IFT122: variants seen among roughly 807,000 people sequenced by gnomAD.
IFT122 encodes intraflagellar transport protein 122 homolog.
IFT122 carries 118 observed loss-of-function variants against 161.6 expected under a neutral mutation model. The observed-to-expected ratio is 0.73, with a 90% confidence interval of 0.63 to 0.85. IFT122 has a LOEUF of 0.85. IFT122 is among the 40% of genes least tolerant of loss of function. The pLI is 0.00. For missense variants in IFT122, 1,381 were observed against 1,579.6 expected (o/e 0.87, Z 2.13); for synonymous variants, 550 against 602.4 (o/e 0.91, Z 1.27).
Position 129,464,882 on chromosome 3 carries a change from T to G in IFT122, c.563+101T>G. The G allele has an allele frequency of 5.3e-6, 7 of 1,309,884 alleles. No individual in the cohort carries two copies. The South Asian group carries it at 7.1e-5, about 13-fold the overall frequency. 81.1% of individuals were successfully genotyped at this position (1,309,884 alleles called of 1,614,324 possible). A position where few individuals can be genotyped will look rare whatever the true frequency, so the allele number is the denominator to read the frequency against. On this transcript the variant is annotated intron_variant, in intron 7 of 29. Coordinates refer to ENST00000348417, the MANE Select transcript of IFT122 (RefSeq NM_052989.3). ...TACATTCAAAGGCTTCTCACCTCACTTGAATGGTCTGTTTTAGAACCTGTC... is the reference window on the plus strand; with the variant it reads ...TACATTCAAAGGCTTCTCACCTCACGTGAATGGTCTGTTTTAGAACCTGTC...
intron 3 of IFT122, 28 bp from the exon 4 acceptor site, chr3:129,458,571 A>G (rs1414885526): frequency 1.3e-6 from 2 of 1,590,038 alleles, no homozygotes; most frequent in South Asian, 2.2e-5. Context: ...GATAAATGTA[A>G]GACTTTCCAT....
chr3:129,480,129 C>T (rs1364101731), intron 13 of IFT122, among the ~76,000 whole-genome samples: 5 of 152,188 alleles, frequency 3.3e-5, no homozygotes, highest in African/African-American at 4.8e-5. Flanking sequence ...AGCAGGCCCA[C>T]GTTTTGGCAG....
At position 129,480,067 on chromosome 3, in the gene IFT122, C is replaced by G. The variant is rs1474391646; in HGVS notation, c.1488+145C>G. The G allele has an allele frequency of 3.7e-6, 4 of 1,069,938 alleles. No homozygotes were observed. In the African/African-American group the frequency reaches 4.7e-5, roughly 13 times the overall value. The allele number at this position is 1,069,938 out of a possible 1,614,324, so 66.3% of individuals were successfully genotyped here. On this transcript the variant is annotated intron_variant, in intron 13 of 29. Transcript: ENST00000348417. ...GGTGAATTGTGGGGCAGCCTGAGTT[C>G]AGTTTTTTGAGGACAGCCTCAGGCC... is the stretch of plus-strand genomic sequence containing the variant.
At chr3:129,501,243 C>T (rs1345151368) in intron 19 of IFT122, among the ~76,000 whole-genome samples, 1 of 152,056 alleles carries the variant, frequency 6.6e-6, no homozygotes, top group East Asian at 1.9e-4. Context: ...GCAAAGGACA[C>T]GATGGGACAA....
At chr3:129,504,572 T>C in intron 21 of IFT122, 151 bp downstream of exon 21, 1 of 730,912 alleles carries the variant, frequency 1.4e-6, no homozygotes, top group South Asian at 1.5e-5. Context: ...GGTGAAAGAC[T>C]GTGGAGCATG....
At chr3:129,485,164 C>T (rs547701924) in intron 15 of IFT122, among the ~76,000 whole-genome samples, 50 of 152,302 alleles carry the variant, frequency 3.3e-4, no homozygotes, top group African/African-American at 1.1e-3. Context: ...TAGCTAGGTC[C>T]TTGCACCTGT....
chr3:129,519,129 G>A lies in IFT122; in HGVS notation c.3414G>A (p.Val1138=). The A allele has an allele frequency of 6.2e-7, 1 of 1,614,106 alleles. No individual in the cohort carries two copies. Among genetic ancestry groups the A allele is most frequent in the Non-Finnish European group, 8.5e-7 (1 of 1,179,986 alleles). ...CAGGCTCCCAGATTCTGCGGCTAGT[G>A]GAGACCAAGGACTCCATCGGAGATG... ...ANNSSQILRL[V]ETKDSIGDED... is the part of the protein sequence containing the mutation. Residue 1138 remains valine (V), a synonymous_variant, in exon 28 of 30, where the codon GTG becomes GTA. Transcript: ENST00000348417.
chr3:129,495,372 A>T, intron 17 of IFT122, 74 bp from the exon 18 acceptor site: 2 of 1,581,122 alleles, frequency 1.3e-6, no homozygotes, highest in Admixed American at 3.6e-5. Context: ...TGAAATAGCC[A>T]CATCTAACCT....
chr3:129,514,894 C>T (rs2083295382), intron 25 of IFT122: 1 of 446,030 alleles, frequency 2.2e-6, no homozygotes, highest in Non-Finnish European at 4.2e-6. Context: ...CTGACTCTTA[C>T]TCTAGAAACC....
rs934121652 is a variant in IFT122, at chr3:129,504,478, A to G, written c.2650+57A>G. The G allele has an allele frequency of 3.5e-6, 5 of 1,409,604 alleles. No individual in the cohort carries two copies. The African/African-American group carries it at 5.6e-5, about 16-fold the overall frequency. 87.3% of individuals were successfully genotyped at this position (1,409,604 alleles called of 1,614,324 possible). ...GAGCAGGAGAAGTTACTGCCAAGACATACATTTCAGGAAGGCTACCAAGCC... is the reference window on the plus strand; with the variant it reads ...GAGCAGGAGAAGTTACTGCCAAGACGTACATTTCAGGAAGGCTACCAAGCC... On this transcript the variant is annotated intron_variant, in intron 21 of 29. Transcript: ENST00000348417.
rs761420085 is a variant in IFT122, at chr3:129,506,481, A to G, written c.2723A>G (p.Glu908Gly). ...CAGCTCACAAACAATGCCGTGGCGG[A>G]GAGCAGGTTTAATGATGCTGCCTAT... ...LEQLTNNAVA[E>G]SRFNDAAYYY... Residue 908 changes from glutamate to glycine, a missense_variant, in exon 22 of 30, where the codon GAG becomes GGG. Glu to Gly is a moderately conservative substitution (Grantham distance 98). This residue lies in a region of IFT122 where 496 missense variants were observed against 502.5 expected (regional missense o/e 0.99). Transcript: ENST00000348417. The G allele has an allele frequency of 9.3e-6, 15 of 1,614,242 alleles. No homozygotes were observed. In the East Asian group the frequency reaches 3.3e-4, roughly 36 times the overall value.
At chr3:129,514,969 TC>T in intron 25 of IFT122, 1 of 368,642 alleles carries the variant, frequency 2.7e-6, no homozygotes, top group South Asian at 2.4e-5. Flanking sequence ...CAACCCACAT[TC>T]CTTCAACCCA....
chr3:129,475,442 A>G (rs964122790), intron 9 of IFT122, among the ~76,000 whole-genome samples: 16 of 152,228 alleles, frequency 1.1e-4, no homozygotes, highest in African/African-American at 3.9e-4. Context: ...ATCTGAGCTC[A>G]GGAGTTTGAG....
At chr3:129,513,748 C>A in intron 24 of IFT122, 1 of 189,740 alleles carries the variant, frequency 5.3e-6, no homozygotes. Context: ...CTGCAGACGG[C>A]GGGAGCAGGA....
chr3:129,477,884 C>T (rs773815926), intron 11 of IFT122, 132 bp from the exon 12 acceptor site: 2 of 748,210 alleles, frequency 2.7e-6, no homozygotes, highest in Non-Finnish European at 4.6e-6. Flanking sequence ...ATTAGATACT[C>T]TAAAGATTTT....
At chr3:129,511,043 C>T (rs2082759301) in intron 23 of IFT122, among the ~76,000 whole-genome samples, 1 of 152,092 alleles carries the variant, frequency 6.6e-6, no homozygotes, top group East Asian at 1.9e-4. Context: ...AAGGTCACAG[C>T]CTGTGCAAAG....
intron 5 of IFT122, 111 bp downstream of exon 5, chr3:129,461,415 T>C: frequency 1.2e-6 from 1 of 810,072 alleles, no homozygotes; most frequent in Non-Finnish European, 2.2e-6. Flanking sequence ...TAATACTACT[T>C]CTCTACCTTC....
At chr3:129,507,593 C>T in intron 22 of IFT122, 75 bp from the exon 23 acceptor site, 1 of 1,124,302 alleles carries the variant, frequency 8.9e-7, no homozygotes, top group Non-Finnish European at 1.4e-6. Context: ...GTTGCCTGGC[C>T]CCTCCTCCTG....
rs912517681 is a variant in IFT122, at chr3:129,450,942, G to A, written c.109-972G>A. 7.2e-5 allele frequency among the ~76,000 whole-genome samples: 11 copies of A among 151,886 alleles called. No homozygotes were observed. The East Asian group carries it at 1.7e-3, about 24-fold the overall frequency. Reference sequence around the variant, plus strand: ...TCTCCGTGTTAGCCAGGATGGTCTCGATCTCCTGACCTCGTAATCCACCCA... The same window carrying A: ...TCTCCGTGTTAGCCAGGATGGTCTCAATCTCCTGACCTCGTAATCCACCCA... On this transcript the variant is annotated intron_variant, in intron 2 of 29. Coordinates refer to ENST00000348417, the MANE Select transcript of IFT122 (RefSeq NM_052989.3).
Sources: allele counts gnomAD v4.1 joint callset (sites outside exome capture counted in the v4.1 genomes callset), GRCh38; gene constraint gnomAD v4.1.1; regional missense constraint gnomAD v4.1.1; transcripts MANE v1.5; gene names NCBI Gene and HGNC (gene_info 2026-07-23, HGNC 2026-07-21).